NRCAM: variants seen among roughly 807,000 people sequenced by gnomAD.
NRCAM encodes NgCAM-related cell adhesion molecule.
A neutral mutation model predicts 156.5 loss-of-function variants in NRCAM; 83 were observed. The ratio of observed to expected loss-of-function variants is 0.53; its 90% confidence interval spans 0.44 to 0.64. The LOEUF is 0.64. Ranked by LOEUF, NRCAM falls within the 30% of genes least tolerant of loss-of-function variation. NRCAM has a pLI of 0.00. For synonymous variants in NRCAM, 538 were observed against 563.9 expected, an observed-to-expected ratio of 0.95 and a Z score of 0.65; for missense variants, 1,417 against 1,597.3, an observed-to-expected ratio of 0.89 and a Z score of 1.92.
At chr7:108,272,263 T>C (rs552512169) in intron 3 of NRCAM, among the ~76,000 whole-genome samples, 4 of 152,332 alleles carry the variant, frequency 2.6e-5, no homozygotes, top group Non-Finnish European at 5.9e-5. Flanking sequence ...GTATATCGAA[T>C]AGAATTTCTT....
At chr7:108,236,299 A>T (rs2094985438) in intron 5 of NRCAM, among the ~76,000 whole-genome samples, 1 of 152,214 alleles carries the variant, frequency 6.6e-6, no homozygotes, top group South Asian at 2.1e-4. Flanking sequence ...CTAAAGTACA[A>T]ATCAAAAGCT....
chr7:108,285,187 A>G (rs1039080139), intron 3 of NRCAM, among the ~76,000 whole-genome samples: 1 of 152,200 alleles, frequency 6.6e-6, no homozygotes, highest in Non-Finnish European at 1.5e-5. Flanking sequence ...GTCACTGAAT[A>G]ACAGATTGTG....
chr7:108,167,350 G>A (rs951442989), intron 29 of NRCAM, among the ~76,000 whole-genome samples: 1 of 152,114 alleles, frequency 6.6e-6, no homozygotes, highest in African/African-American at 2.4e-5. Context: ...ACAAAGGAAG[G>A]TTCTTTATCT....
chr7:108,152,088 T>C (rs1274908258), intron 32 of NRCAM, among the ~76,000 whole-genome samples: 2 of 151,974 alleles, frequency 1.3e-5, no homozygotes, highest in African/African-American at 2.4e-5. Context: ...TTATTTCTAG[T>C]GGAAGAAAAT....
At chr7:108,168,468 T>C in intron 28 of NRCAM, 66 bp from the exon 29 acceptor site, 1 of 1,322,576 alleles carries the variant, frequency 7.6e-7, no homozygotes, top group Non-Finnish European at 9.9e-7. Context: ...GAATATAAAA[T>C]AAGTTTAAAT....
intron 2 of NRCAM, among the ~76,000 whole-genome samples, chr7:108,354,423 A>T (rs1025593488): frequency 6.6e-6 from 1 of 152,238 alleles, no homozygotes; most frequent in African/African-American, 2.4e-5. Flanking sequence ...CTTCTACTCA[A>T]CTAAAGGCAG....
At chr7:108,426,799 G>A (rs931972837) in intron 1 of NRCAM, among the ~76,000 whole-genome samples, 1 of 152,208 alleles carries the variant, frequency 6.6e-6, no homozygotes, top group Non-Finnish European at 1.5e-5. Context: ...AATATTGAGG[G>A]AAGTGGGTCG....
intron 1 of NRCAM, among the ~76,000 whole-genome samples, chr7:108,402,459 T>A (rs1432304290): frequency 6.6e-6 from 1 of 152,186 alleles, no homozygotes; most frequent in Non-Finnish European, 1.5e-5. Flanking sequence ...AATAATAATG[T>A]GAAAAGATGG....
At chr7:108,272,112 C>T (rs1288056075) in intron 3 of NRCAM, among the ~76,000 whole-genome samples, 7 of 152,208 alleles carry the variant, frequency 4.6e-5, no homozygotes, top group Admixed American at 4.6e-4. Context: ...CATCTCAGAA[C>T]AGAGTAACAT....
At chr7:108,185,341 A>G (rs551930281) in intron 20 of NRCAM, among the ~76,000 whole-genome samples, 2 of 152,362 alleles carry the variant, frequency 1.3e-5, no homozygotes, top group East Asian at 1.9e-4. Flanking sequence ...ATTATTTGCA[A>G]TTGAAACAAC....
rs974131603 is a variant in NRCAM at position 108,402,981 on chromosome 7, T to C, written c.-331-3388A>G. Among the ~76,000 whole-genome samples, 4 of 152,302 alleles carry C rather than the reference T, an allele frequency of 2.6e-5. No individual in the cohort carries two copies. The South Asian group carries it at 8.3e-4, about 32-fold the overall frequency. On this transcript the variant is annotated intron_variant, in intron 1 of 32. Coordinates refer to ENST00000379028, the MANE Select transcript of NRCAM (RefSeq NM_001037132.4). ...AGAGCATGTGAAAGGTGTCAGTCCC[T>C]TGAGTCATCTCAAACCGAACTTTCT...
chr7:108,417,770 CTTT>C (rs1235144215), intron 1 of NRCAM, among the ~76,000 whole-genome samples: 1 of 151,792 alleles, frequency 6.6e-6, no homozygotes, highest in South Asian at 2.1e-4. Context: ...CACTCTCTTT[CTTT>C]TTTCTTTTGC....
At chr7:108,172,716 T>C (rs17134756) in intron 28 of NRCAM, among the ~76,000 whole-genome samples, 1 of 152,320 alleles carries the variant, frequency 6.6e-6, no homozygotes, top group African/African-American at 2.4e-5. Context: ...AGGTCTCGCG[T>C]ATGTAATTAT....
chr7:108,191,845 A>T lies in NRCAM; in HGVS notation c.1787T>A (p.Val596Asp). The T allele has an allele frequency of 6.2e-7, 1 of 1,613,506 alleles. No homozygotes were observed. The highest frequency in any genetic ancestry group is 8.5e-7 in the Non-Finnish European group (1 of 1,179,940). ...AGCTACCACTAGATGATCCTTGTCAACAGTGAACCTGTGGATAGAATGCAT... is the reference window on the plus strand; with the variant it reads ...AGCTACCACTAGATGATCCTTGTCATCAGTGAACCTGTGGATAGAATGCAT... ...RELPSDERFT[V>D]DKDHLVVADV... Residue 596 changes from valine (V) to aspartate (D), a missense_variant, in exon 18 of 33, where the codon GTT (valine) becomes GAT (aspartate). Val to Asp is a radical substitution (Grantham distance 152). Coordinates refer to ENST00000379028, the MANE Select transcript of NRCAM (RefSeq NM_001037132.4).
In NRCAM at chr7:108,277,741, A is replaced by G. The variant is rs576918520; in HGVS notation, c.-107+34924T>C. ...AACCTTCTGAAGCCTACTTCTGTCA[A>G]CTCGTCAAACTCATTCTCTATCCAG... On this transcript the variant is annotated intron_variant, in intron 3 of 32. Transcript: ENST00000379028. 3.3e-5 allele frequency among the ~76,000 whole-genome samples: 5 copies of G among 152,082 alleles called. No individual in the cohort carries two copies. In the East Asian group the frequency reaches 9.7e-4, roughly 29 times the overall value.
chr7:108,319,436 A>T (rs2098973783), intron 2 of NRCAM, among the ~76,000 whole-genome samples: 2 of 152,202 alleles, frequency 1.3e-5, no homozygotes, highest in South Asian at 4.1e-4. Flanking sequence ...TCGTTATGCA[A>T]AACATTTATT....
intron 1 of NRCAM, among the ~76,000 whole-genome samples, chr7:108,442,344 G>A (rs1165891665): frequency 3.3e-5 from 5 of 152,116 alleles, no homozygotes; most frequent in East Asian, 1.9e-4. Flanking sequence ...ATGCATATTC[G>A]TGATTGGCCC....
chr7:108,201,537 A>C (rs1178972502), intron 13 of NRCAM, among the ~76,000 whole-genome samples: 1 of 152,192 alleles, frequency 6.6e-6, no homozygotes, highest in African/African-American at 2.4e-5. Context: ...TGAACTGTAC[A>C]CTTAAAATGG....
intron 3 of NRCAM, among the ~76,000 whole-genome samples, chr7:108,284,783 T>G (rs2098018384): frequency 6.6e-6 from 1 of 152,194 alleles, no homozygotes; most frequent in South Asian, 2.1e-4. Flanking sequence ...CCCACCCTAC[T>G]TCACTACACT....
Sources: allele counts gnomAD v4.1 joint callset (sites outside exome capture counted in the v4.1 genomes callset), GRCh38; gene constraint gnomAD v4.1.1; transcripts MANE v1.5; gene names NCBI Gene and HGNC (gene_info 2026-07-23, HGNC 2026-07-21).